PDE5A: variants seen among roughly 807,000 people sequenced by gnomAD.
PDE5A encodes cGMP-specific 3',5'-cyclic phosphodiesterase.
In PDE5A, 67 loss-of-function variants were observed where a neutral mutation model predicts 110.2. That is an observed-to-expected ratio of 0.61 (90% CI 0.50 to 0.75). The LOEUF (loss-of-function observed/expected upper bound fraction) is 0.75, where lower values mean the gene tolerates loss of function less well. PDE5A is among the 30% of genes least tolerant of loss of function. PDE5A has a pLI of 0.00. For missense variants in PDE5A, 862 were observed against 1,045.1 expected, an observed-to-expected ratio of 0.82 and a Z score of 2.42; for synonymous variants, 328 against 351.2, an observed-to-expected ratio of 0.93 and a Z score of 0.74.
Position 119,621,643 on chromosome 4 carries a change from TAGATAGAC to T in PDE5A, c.152+6869_152+6876del, listed in dbSNP as rs1730146360. Among the ~76,000 whole-genome samples, 18 of 55,510 alleles carry T rather than the reference TAGATAGAC, an allele frequency of 3.2e-4. 1 individual carries two copies. The South Asian group carries it at 0.013, about 39-fold the overall frequency. 36.4% of individuals were successfully genotyped at this position (55,510 alleles called of 152,430 possible). A position where few individuals can be genotyped will look rare whatever the true frequency, so the allele number is the denominator to read the frequency against. On this transcript the variant is annotated intron_variant, in intron 1 of 20. Transcript: ENST00000354960. ...AAATAGAGATAGGTAGATACATAGA[TAGATAGAC>T]AGACAGATAGATAGTTAGATAGACA...
intron 19 of PDE5A, 143 bp downstream of exon 19, chr4:119,502,438 A>ATTC (rs1251073282): frequency 5.4e-6 from 3 of 550,586 alleles, no homozygotes; most frequent in African/African-American, 3.8e-5. Flanking sequence ...AACATGTATA[A>ATTC]TTCTTCCAAT....
At chr4:119,509,080 T>C (rs1021905843) in intron 15 of PDE5A, among the ~76,000 whole-genome samples, 4 of 152,052 alleles carry the variant, frequency 2.6e-5, no homozygotes, top group Non-Finnish European at 5.9e-5. Flanking sequence ...AGTACAGATG[T>C]TCCTACTATA....
rs1271531997 is a variant in PDE5A at position 119,565,426 on chromosome 4, T to C, written c.904-16A>G. On this transcript the variant is annotated splice_polypyrimidine_tract_variant and intron_variant, in intron 4 of 20. Coordinates refer to ENST00000354960, the MANE Select transcript of PDE5A (RefSeq NM_001083.4). ...CAGCAAAGTCCTAAAAAACAGATAATAGACAAATAAAAACGGTACATAAAA... is the reference window on the plus strand; with the variant it reads ...CAGCAAAGTCCTAAAAAACAGATAACAGACAAATAAAAACGGTACATAAAA... 2.4e-5 allele frequency: 37 copies of C among 1,560,528 alleles called. No homozygotes were observed. The highest frequency in any genetic ancestry group is 4.5e-5 in the East Asian group (2 of 44,476).
intron 7 of PDE5A, among the ~76,000 whole-genome samples, chr4:119,556,508 T>C (rs942753697): frequency 1.1e-4 from 16 of 152,340 alleles, no homozygotes; most frequent in Middle Eastern, 3.4e-3. Flanking sequence ...GCTGGCTACC[T>C]CTGGGCTTTT....
At chr4:119,622,051 G>A (rs1730165893) in intron 1 of PDE5A, among the ~76,000 whole-genome samples, 1 of 151,994 alleles carries the variant, frequency 6.6e-6, no homozygotes, top group Non-Finnish European at 1.5e-5. Context: ...GTGGGCGCCT[G>A]TAGTCCCAGC....
rs183268562 is a variant in PDE5A at position 119,612,089 on chromosome 4, T to C, written c.153-4792A>G. The stretch of plus-strand genomic sequence containing the variant: ...ATAAGACATATGCTATGGTCTAAAA[T>C]GTATGTCCCTACAAAATTCTTCTCT... On this transcript the variant is annotated intron_variant, in intron 1 of 20. Transcript: ENST00000354960. 9.8e-5 allele frequency among the ~76,000 whole-genome samples: 15 copies of C among 152,338 alleles called. No homozygotes were observed. In the East Asian group the frequency reaches 2.9e-3, roughly 29 times the overall value.
At chr4:119,530,354 A>G (rs1192697944) in intron 11 of PDE5A, among the ~76,000 whole-genome samples, 1 of 152,090 alleles carries the variant, frequency 6.6e-6, no homozygotes, top group Non-Finnish European at 1.5e-5. Flanking sequence ...TGTAGCCAAA[A>G]CCCAAGTGTA....
chr4:119,580,280 C>A (rs942747841), intron 3 of PDE5A, among the ~76,000 whole-genome samples: 1 of 152,162 alleles, frequency 6.6e-6, no homozygotes, highest in South Asian at 2.1e-4. Context: ...AAACCTAGAA[C>A]TAAAGGGACT....
intron 3 of PDE5A, among the ~76,000 whole-genome samples, chr4:119,569,991 G>A (rs1728086860): frequency 6.6e-6 from 1 of 152,150 alleles, no homozygotes; most frequent in Non-Finnish European, 1.5e-5. Flanking sequence ...TATACTAAGA[G>A]ACAACTGTAT....
chr4:119,607,879 CA>C (rs1351335451), intron 1 of PDE5A, among the ~76,000 whole-genome samples: 1 of 152,156 alleles, frequency 6.6e-6, no homozygotes, highest in Non-Finnish European at 1.5e-5. Flanking sequence ...CTGCTTCTCT[CA>C]AAATTAGCTT....
At chr4:119,502,433 GTATAATT>G (rs1234204716) in intron 19 of PDE5A, 141 bp downstream of exon 19, 1 of 544,852 alleles carries the variant, frequency 1.8e-6, no homozygotes, top group East Asian at 3.0e-5. Context: ...TAATGAACAT[GTATAATT>G]CTTCCAATGA....
At chr4:119,577,638 C>A (rs932060031) in intron 3 of PDE5A, among the ~76,000 whole-genome samples, 14 of 152,106 alleles carry the variant, frequency 9.2e-5, no homozygotes, top group Non-Finnish European at 1.9e-4. Context: ...TTTCAACAAC[C>A]CTTCATGCTA....
At chr4:119,562,007 G>A (rs995468592) in intron 6 of PDE5A, among the ~76,000 whole-genome samples, 3 of 152,280 alleles carry the variant, frequency 2.0e-5, no homozygotes, top group Non-Finnish European at 2.9e-5. Context: ...GATAGTGCAC[G>A]CTCTCTTTCC....
At chr4:119,554,736 GA>G (rs1005313697) in intron 7 of PDE5A, among the ~76,000 whole-genome samples, 1 of 149,736 alleles carries the variant, frequency 6.7e-6, no homozygotes, top group Admixed American at 6.6e-5. Flanking sequence ...ATAAACCAAA[GA>G]AAAAAAACAA....
At chr4:119,539,047 T>A (rs781016824) in intron 10 of PDE5A, 28 bp from the exon 11 acceptor site, 48 of 1,570,946 alleles carry the variant, frequency 3.1e-5, no homozygotes, top group Non-Finnish European at 4.2e-5. Flanking sequence ...AAGTCCAGGT[T>A]ACACAGGAGA....
At chr4:119,569,531 G>A (rs1728069776) in intron 3 of PDE5A, among the ~76,000 whole-genome samples, 1 of 150,704 alleles carries the variant, frequency 6.6e-6, no homozygotes, top group African/African-American at 2.4e-5. Context: ...GTTCTGTCAA[G>A]AGACTATTAG....
At chr4:119,518,505 T>C (rs956429430) in intron 14 of PDE5A, among the ~76,000 whole-genome samples, 2 of 152,230 alleles carry the variant, frequency 1.3e-5, no homozygotes, top group Non-Finnish European at 2.9e-5. Flanking sequence ...CTTAAATAGG[T>C]ACCAAGCATT....
At position 119,553,859 on chromosome 4, in the gene PDE5A, A is replaced by G. The variant is rs984391851; in HGVS notation, c.1200-113T>C. On this transcript the variant is annotated intron_variant, in intron 7 of 20. Transcript: ENST00000354960. ...ACCAGCCTTAAATTATAAGGCATAT[A>G]TACTTATTTGGAAAATGTAGCTTTA... 8.2e-6 allele frequency: 5 copies of G among 611,998 alleles called. No individual in the cohort carries two copies. The Admixed American group carries it at 1.3e-4, about 16-fold the overall frequency. 37.9% of individuals were successfully genotyped at this position (611,998 alleles called of 1,614,324 possible).
chr4:119,499,695 C>T lies in PDE5A; in HGVS notation c.2491-957G>A, dbSNP rs1002943020. ...TGGCTGGGACTACAAGCGCGTGCCA[C>T]CACACCCGCGCTTATAATAGAAAAT... On this transcript the variant is annotated intron_variant, in intron 20 of 20. Transcript: ENST00000354960. 2.0e-5 allele frequency: 3 copies of T among 152,060 alleles called. No homozygotes were observed. The East Asian group carries it at 5.8e-4, about 29-fold the overall frequency. 9.4% of individuals were successfully genotyped at this position (152,060 alleles called of 1,614,324 possible). A position where few individuals can be genotyped will look rare whatever the true frequency, so the allele number is the denominator to read the frequency against.
Sources: allele counts gnomAD v4.1 joint callset (sites outside exome capture counted in the v4.1 genomes callset), GRCh38; gene constraint gnomAD v4.1.1; transcripts MANE v1.5; gene names NCBI Gene and HGNC (gene_info 2026-07-23, HGNC 2026-07-21).